Variants in ATG4B observed in about 807,000 individuals in gnomAD.
The protein encoded by ATG4B is autophagy related 4B cysteine peptidase.
A neutral mutation model predicts 56.6 loss-of-function variants in ATG4B; 29 were observed. The observed-to-expected ratio is 0.51, with a 90% CI of 0.38 to 0.70. The LOEUF is 0.70. Among genes scored for constraint, ATG4B ranks in the 30% least tolerant of loss-of-function variants. ATG4B has a pLI of 0.00. For synonymous variants in ATG4B, 224 were observed against 206.1 expected, an observed-to-expected ratio of 1.09 and a Z score of -0.74; for missense variants, 461 against 515.5, an observed-to-expected ratio of 0.89 and a Z score of 1.02.
chr2:241,642,383 C>G (rs903313724), intron 1 of ATG4B, among the ~76,000 whole-genome samples: 2 of 151,798 alleles, frequency 1.3e-5, no homozygotes, highest in African/African-American at 4.8e-5. Context: ...CATGTAAACT[C>G]TTGGAGATTT....
chr2:241,640,587 G>A (rs2067853039), intron 1 of ATG4B, among the ~76,000 whole-genome samples: 1 of 152,222 alleles, frequency 6.6e-6, no homozygotes, highest in African/African-American at 2.4e-5. Flanking sequence ...GGTAGCTAAC[G>A]TTCTAGACAT....
chr2:241,645,047 G>T (rs1355011542), intron 1 of ATG4B, among the ~76,000 whole-genome samples: 1 of 152,082 alleles, frequency 6.6e-6, no homozygotes, highest in Non-Finnish European at 1.5e-5. Flanking sequence ...TCTTTGTACC[G>T]TTCTGATGCC....
chr2:241,673,457 CGCT>C lies in ATG4B; in HGVS notation c.*1209_*1211del, dbSNP rs77925329. On this transcript the variant is annotated 3_prime_UTR_variant, in exon 13 of 13. Coordinates refer to ENST00000404914, the MANE Select transcript of ATG4B (RefSeq NM_013325.5). The stretch of plus-strand genomic sequence containing the variant: ...CAGCTACTGCGGCGTTGGCAGGACT[CGCT>C]GCTGCTGCTGCTGCTTGTGTAGGTC... The C allele has an allele frequency of 3.8e-4, 144 of 376,398 alleles. No homozygotes were observed. The highest frequency in any genetic ancestry group is 6.2e-4 in the Admixed American group (22 of 35,732). 23.3% of individuals were successfully genotyped at this position (376,398 alleles called of 1,614,324 possible). A position where few individuals can be genotyped will look rare whatever the true frequency, so the allele number is the denominator to read the frequency against.
chr2:241,648,891 C>G (rs892065289), intron 1 of ATG4B, among the ~76,000 whole-genome samples: 2 of 152,206 alleles, frequency 1.3e-5, no homozygotes, highest in South Asian at 4.1e-4. Context: ...ACAATTAAGG[C>G]TTTTGGGTAT....
chr2:241,651,256 A>T lies in ATG4B; in HGVS notation c.113-8A>T. ...GTGTGTGTTTTTTTTCTTTTAAACA[A>T]CCTCTAGAAAAGGACGAGATCTTGT... On this transcript the variant is annotated splice_polypyrimidine_tract_variant and splice_region_variant and intron_variant, in intron 2 of 12. Coordinates refer to ENST00000404914, the MANE Select transcript of ATG4B (RefSeq NM_013325.5). This position sits in a 1 kb window ranked among gnomAD's most constrained non-coding sequence, Gnocchi z 4.1. 6.3e-7 allele frequency: 1 copy of T among 1,592,384 alleles called. No homozygotes were observed. The highest frequency in any genetic ancestry group is 8.6e-7 in the Non-Finnish European group (1 of 1,169,508).
chr2:241,650,927 C>G, intron 1 of ATG4B, 83 bp from the exon 2 acceptor site: 2 of 1,172,864 alleles, frequency 1.7e-6, no homozygotes, highest in South Asian at 2.8e-5. Flanking sequence ...CTCTTCAGCA[C>G]AGAAATGCTG....
intron 1 of ATG4B, among the ~76,000 whole-genome samples, chr2:241,648,705 G>A (rs2068139232): frequency 6.6e-6 from 1 of 152,146 alleles, no homozygotes; most frequent in South Asian, 2.1e-4. Flanking sequence ...ATCTTGCTCA[G>A]GAAGCCACAG....
At chr2:241,653,222 T>C in intron 3 of ATG4B, 1 of 976,548 alleles carries the variant, frequency 1.0e-6, no homozygotes, top group Non-Finnish European at 1.6e-6. Context: ...TCTGGATGAC[T>C]TACGGGGGTC....
chr2:241,654,935 A>G (rs764570725), intron 5 of ATG4B: 2 of 568,824 alleles, frequency 3.5e-6, no homozygotes, highest in Non-Finnish European at 6.2e-6. Flanking sequence ...GCCTCGCCCC[A>G]TCAGTGAATC....
intron 1 of ATG4B, among the ~76,000 whole-genome samples, chr2:241,639,284 A>G (rs776641753): frequency 3.3e-5 from 5 of 152,196 alleles, no homozygotes; most frequent in Non-Finnish European, 7.4e-5. Context: ...GACAAGGGGA[A>G]GGTAGTGGCG....
At chr2:241,654,728 C>T in intron 5 of ATG4B, 81 bp downstream of exon 5, 1 of 1,150,468 alleles carries the variant, frequency 8.7e-7, no homozygotes, top group Non-Finnish European at 1.3e-6. Context: ...CAGAGCTTTT[C>T]TGGTGTCGTG....
intron 1 of ATG4B, among the ~76,000 whole-genome samples, chr2:241,650,505 A>G (rs2068197333): frequency 6.6e-6 from 1 of 151,936 alleles, no homozygotes; most frequent in Admixed American, 6.6e-5. Context: ...CATCTGGTAA[A>G]CCTTAGGATG....
At chr2:241,643,301 C>T (rs1023111062) in intron 1 of ATG4B, among the ~76,000 whole-genome samples, 1 of 151,338 alleles carries the variant, frequency 6.6e-6, no homozygotes, top group Admixed American at 6.6e-5. Context: ...ACCTCCTGGG[C>T]TCAAGTGATC....
At chr2:241,661,230 A>G (rs1439288776) in intron 7 of ATG4B, among the ~76,000 whole-genome samples, 3 of 152,206 alleles carry the variant, frequency 2.0e-5, no homozygotes, top group Non-Finnish European at 4.4e-5. Context: ...CTGAAAGGAC[A>G]CTGTTCCTCA....
chr2:241,667,539 G>C (rs2068817846), intron 8 of ATG4B, among the ~76,000 whole-genome samples: 1 of 151,176 alleles, frequency 6.6e-6, no homozygotes, highest in Non-Finnish European at 1.5e-5. Flanking sequence ...AGGAGGCGGA[G>C]CTTGCAGTGA....
chr2:241,641,991 G>A (rs1312467925), intron 1 of ATG4B, among the ~76,000 whole-genome samples: 4 of 151,852 alleles, frequency 2.6e-5, no homozygotes, highest in Non-Finnish European at 5.9e-5. Context: ...TCTTGTGCTT[G>A]CATTTCTAGT....
rs1321613822 is a variant in ATG4B, at chr2:241,642,871, C to CTTTTTTTTTTTTTTTTTTTTT, written c.10+5147_10+5148insTTTTTTTTTTTTTTTTTTTTT. Among the ~76,000 whole-genome samples the CTTTTTTTTTTTTTTTTTTTTT allele has an allele frequency of 2.1e-4, 21 of 98,426 alleles. 10 individuals carry two copies. The East Asian group carries it at 4.9e-3, about 23-fold the overall frequency. The allele number at this position is 98,426 out of a possible 152,430, so 64.6% of individuals were successfully genotyped here. On this transcript the variant is annotated intron_variant, in intron 1 of 12. Transcript: ENST00000404914. ...CTTAAGGTGTACAGCACCTCTCCGT[C>CTTTTTTTTTTTTTTTTTTTTT]CTTTTTTTTTTTTTTTTTTTTTTTT... is the stretch of plus-strand genomic sequence containing the variant.
chr2:241,642,404 A>G (rs2125111966), intron 1 of ATG4B, among the ~76,000 whole-genome samples: 1 of 152,302 alleles, frequency 6.6e-6, no homozygotes, highest in South Asian at 2.1e-4. Flanking sequence ...AAAAAAAAGT[A>G]GTAATCATAT....
rs2068862682 is a variant in ATG4B, at chr2:241,668,826, G to A, written c.957+141G>A. On this transcript the variant is annotated intron_variant, in intron 10 of 12. Coordinates refer to ENST00000404914, the MANE Select transcript of ATG4B (RefSeq NM_013325.5). This position sits in a 1 kb window ranked among gnomAD's most constrained non-coding sequence, Gnocchi z 4.2. The stretch of plus-strand genomic sequence containing the variant: ...TGTTCACGTGGTTGGGAATCTGAAG[G>A]GTATAAGAGCCGGAACTGTGTCCTT... The A allele has an allele frequency of 1.6e-6, 2 of 1,279,786 alleles. No homozygotes were observed. The highest frequency in any genetic ancestry group is 2.1e-6 in the Non-Finnish European group (2 of 939,020). The allele number at this position is 1,279,786 out of a possible 1,614,324, so 79.3% of individuals were successfully genotyped here.
Sources: gnomAD v4.1 joint callset for allele counts (sites outside exome capture counted in the v4.1 genomes callset) on GRCh38, gnomAD v4.1.1 for gene constraint, Gnocchi (gnomAD v3.1) non-coding constraint, MANE v1.5 for transcripts, NCBI Gene and HGNC (gene_info 2026-07-23, HGNC 2026-07-21) for gene names.